Variants in TERB2 observed in about 807,000 individuals in gnomAD.
The protein encoded by TERB2 is telomere repeat binding bouquet formation protein 2.
A neutral mutation model predicts 29.8 loss-of-function variants in TERB2; 26 were observed. The ratio of observed to expected loss-of-function variants is 0.87; its 90% CI spans 0.64 to 1.21. The LOEUF is 1.21. Among genes scored for constraint, TERB2 ranks in the 50% most tolerant of loss-of-function variants. The probability of loss-of-function intolerance (pLI) is 0.00; values close to 1 mark genes in which losing one functional copy is unlikely to be tolerated. For synonymous variants in TERB2, 80 were observed against 90.8 expected (o/e 0.88, Z 0.68); for missense variants, 240 against 268.6 (o/e 0.89, Z 0.74).
Position 44,961,552 on chromosome 15 carries a change from T to A in TERB2, c.316T>A (p.Trp106Arg). 6.2e-7 allele frequency: 1 copy of A among 1,600,240 alleles called. No homozygotes were observed. Among genetic ancestry groups the A allele is most frequent in the Admixed American group, 1.7e-5 (1 of 58,280 alleles). The change falls in exon 4 of 7, where the codon TGG becomes AGG. Residue 106 changes from tryptophan (W) to arginine (R), a missense_variant. By Grantham distance (101) the Trp-to-Arg change is moderately radical (BLOSUM62 -3). Transcript: ENST00000340827. The stretch of plus-strand genomic sequence containing the variant: ...AAGAAGAAAAATTGGTAGTTTTATT[T>A]GGGAACAAGACCAACATTTTCTGAT... The part of the protein sequence containing the change: ...EIRRKIGSFI[W>R]EQDQHFLIEK...
intron 6 of TERB2, among the ~76,000 whole-genome samples, chr15:44,977,382 T>G (rs1451623390): frequency 6.6e-6 from 1 of 152,248 alleles, no homozygotes; most frequent in Non-Finnish European, 1.5e-5. Context: ...TATAGGAATA[T>G]TTTTTACTAA....
At chr15:44,963,103 A>T (rs1392789440) in intron 4 of TERB2, among the ~76,000 whole-genome samples, 1 of 152,234 alleles carries the variant, frequency 6.6e-6, no homozygotes, top group Non-Finnish European at 1.5e-5. Context: ...ACCATTTTTA[A>T]AACCCTCAAT....
chr15:44,977,538 C>T (rs1297514053), intron 6 of TERB2, among the ~76,000 whole-genome samples: 1 of 152,080 alleles, frequency 6.6e-6, no homozygotes, highest in African/African-American at 2.4e-5. Flanking sequence ...AGATTATGAA[C>T]TCATAGAGTA....
intron 6 of TERB2, among the ~76,000 whole-genome samples, chr15:44,978,245 G>A (rs1008146489): frequency 1.3e-5 from 2 of 152,138 alleles, no homozygotes; most frequent in Non-Finnish European, 2.9e-5. Flanking sequence ...AATAGTCAAA[G>A]CAGCTTTAAT....
chr15:44,964,954 G>A (rs1891859485), intron 4 of TERB2, among the ~76,000 whole-genome samples: 1 of 151,818 alleles, frequency 6.6e-6, no homozygotes, highest in South Asian at 2.1e-4. Flanking sequence ...CTGAGCTTGG[G>A]AGTTCAAAAC....
intron 2 of TERB2, among the ~76,000 whole-genome samples, chr15:44,957,302 G>A (rs1891732068): frequency 6.6e-6 from 1 of 151,714 alleles, no homozygotes; most frequent in African/African-American, 2.4e-5. Flanking sequence ...CTGAAAACGA[G>A]CAAGTTTTCA....
intron 5 of TERB2, among the ~76,000 whole-genome samples, chr15:44,968,584 CTTTTTT>C (rs34188520): frequency 1.0e-5 from 1 of 98,488 alleles, no homozygotes; most frequent in Non-Finnish European, 1.9e-5. Flanking sequence ...TTTGTTTAAC[CTTTTTT>C]TTTTTTTTTT....
chr15:44,959,212 A>C (rs549340640), intron 3 of TERB2, among the ~76,000 whole-genome samples: 28 of 152,216 alleles, frequency 1.8e-4, no homozygotes, highest in Admixed American at 1.4e-3. Flanking sequence ...AATACATTTG[A>C]AAGCACTTTC....
chr15:44,972,217 C>T (rs1001940229), intron 5 of TERB2, among the ~76,000 whole-genome samples: 5 of 151,852 alleles, frequency 3.3e-5, no homozygotes, highest in Non-Finnish European at 4.4e-5. Flanking sequence ...TTGTGAACTC[C>T]TGACCTCAGG....
chr15:44,961,791 C>T (rs1891808009), intron 4 of TERB2, among the ~76,000 whole-genome samples: 1 of 152,194 alleles, frequency 6.6e-6, no homozygotes, highest in Admixed American at 6.5e-5. Flanking sequence ...CCTTTGCCTT[C>T]TGGGTTCAAG....
chr15:44,957,585 C>T (rs1891738164), intron 2 of TERB2, among the ~76,000 whole-genome samples: 1 of 152,070 alleles, frequency 6.6e-6, no homozygotes. Context: ...AGTCAGAGGC[C>T]GAATACCATG....
chr15:44,966,296 G>C (rs1293731533), intron 5 of TERB2, 53 bp downstream of exon 5: 37 of 1,128,560 alleles, frequency 3.3e-5, no homozygotes, highest in Middle Eastern at 4.1e-4. Context: ...AAATCTGTGA[G>C]CACTGATTGT....
chr15:44,960,932 A>G lies in TERB2; in HGVS notation c.287-591A>G, dbSNP rs572335868. 2.1e-4 allele frequency among the ~76,000 whole-genome samples: 32 copies of G among 152,122 alleles called. 1 individual carries two copies. The South Asian group carries it at 6.0e-3, about 29-fold the overall frequency. ...TAATCCATCCTTCATTTATATCTAT[A>G]TCTATATATGTGTATCTGTATCAAT... On this transcript the variant is annotated intron_variant, in intron 3 of 6. Transcript: ENST00000340827.
chr15:44,961,671 CAT>C (rs931813299), intron 4 of TERB2, 87 bp downstream of exon 4: 1 of 859,606 alleles, frequency 1.2e-6, no homozygotes, highest in African/African-American at 1.8e-5. Flanking sequence ...TTATTTGTGA[CAT>C]GTTAGCACCA....
intron 2 of TERB2, among the ~76,000 whole-genome samples, chr15:44,957,785 AC>A (rs1891741867): frequency 1.3e-5 from 2 of 149,600 alleles, no homozygotes; most frequent in Non-Finnish European, 3.0e-5. Context: ...GGGCCCTACC[AC>A]CCTCCTTTCC....
chr15:44,959,139 AT>A (rs1047995135), intron 3 of TERB2, among the ~76,000 whole-genome samples: 5 of 151,798 alleles, frequency 3.3e-5, no homozygotes, highest in African/African-American at 1.2e-4. Context: ...TATTTTTCTA[AT>A]TTTTTCTTCT....
rs61740014 is a variant in TERB2 at position 44,958,400 on chromosome 15, A to G, written c.174A>G (p.Glu58=). The G allele has an allele frequency of 5.0e-6, 8 of 1,613,598 alleles. No individual in the cohort carries two copies. Among genetic ancestry groups the G allele is most frequent in the South Asian group, 3.3e-5 (3 of 90,930 alleles). Residue 58 remains glutamate, a synonymous_variant, in exon 3 of 7, where the codon GAA becomes GAG. Transcript: ENST00000340827. ...TATATCAGAGCCTTGATTACATAGAAGATAATGCTACAGTTTTTCATGCCT... is the reference window on the plus strand; with the variant it reads ...TATATCAGAGCCTTGATTACATAGAGGATAATGCTACAGTTTTTCATGCCT... ...LRIYQSLDYI[E]DNATVFHAYY...
At chr15:44,958,706 T>C (rs1317123376) in intron 3 of TERB2, among the ~76,000 whole-genome samples, 194 bp downstream of exon 3, 1 of 152,252 alleles carries the variant, frequency 6.6e-6, no homozygotes, top group Non-Finnish European at 1.5e-5. Flanking sequence ...TTTGTTTATG[T>C]ATTGTTTATT....
Position 44,973,906 on chromosome 15 carries a change from G to A in TERB2, c.474G>A (p.Lys158=). The change falls in exon 6 of 7, where the codon AAG becomes AAA. Residue 158 remains lysine, a synonymous_variant. Transcript: ENST00000340827. ...TTATAAGAACTCCAGTTGTAGAAAA[G>A]CAGATGTACTTCCCTCTACAGAATT... ...KHFIRTPVVE[K]QMYFPLQNYP... 6.2e-7 allele frequency: 1 copy of A among 1,601,386 alleles called. No homozygotes were observed. Among genetic ancestry groups the A allele is most frequent in the Non-Finnish European group, 8.5e-7 (1 of 1,172,994 alleles).
Sources: allele counts gnomAD v4.1 joint callset (sites outside exome capture counted in the v4.1 genomes callset), GRCh38; gene constraint gnomAD v4.1.1; transcripts MANE v1.5; gene names NCBI Gene and HGNC (gene_info 2026-07-23, HGNC 2026-07-21).